Variants in NKAIN4 observed in about 807,000 individuals in gnomAD.
The protein encoded by NKAIN4 is sodium/potassium transporting ATPase interacting 4, also known as sodium/potassium-transporting ATPase subunit beta-1-interacting protein 4.
Under a neutral mutation model 28.8 loss-of-function variants are expected in NKAIN4, and 28 were observed. The observed-to-expected ratio is 0.97, with a 90% CI of 0.72 to 1.33. The LOEUF (loss-of-function observed/expected upper bound fraction) is 1.33, where lower values mean the gene tolerates loss of function less well. Ranked by LOEUF, NKAIN4 falls within the 40% of genes most tolerant of loss-of-function variation. The probability of loss-of-function intolerance (pLI) is 0.00; values close to 1 mark genes in which losing one functional copy is unlikely to be tolerated. For missense variants in NKAIN4, 289 were observed against 277.2 expected, an observed-to-expected ratio of 1.04 and a Z score of -0.30; for synonymous variants, 122 against 115.6, an observed-to-expected ratio of 1.06 and a Z score of -0.36.
chr20:63,247,895 CCT>C, intron 3 of NKAIN4, 120 bp from the exon 4 acceptor site: 1 of 1,316,462 alleles, frequency 7.6e-7, no homozygotes, highest in Non-Finnish European at 9.8e-7. Flanking sequence ...TCTCACCTCC[CCT>C]GTCCTCCCAC....
chr20:63,247,363 G>C, intron 4 of NKAIN4: 1 of 1,512,246 alleles, frequency 6.6e-7, no homozygotes, highest in Non-Finnish European at 8.8e-7. Context: ...GGCCCCGCCT[G>C]GGGGAGGTGG....
chr20:63,243,403 G>GT (rs1299974919), intron 5 of NKAIN4, among the ~76,000 whole-genome samples: 3 of 152,062 alleles, frequency 2.0e-5, no homozygotes, highest in Admixed American at 6.5e-5. Flanking sequence ...CCCAGGGAGA[G>GT]TTCTGTCCAT....
intron 4 of NKAIN4, 129 bp downstream of exon 4, chr20:63,247,449 G>A: frequency 6.5e-7 from 1 of 1,545,140 alleles, no homozygotes; most frequent in Non-Finnish European, 8.7e-7. Context: ...CAAGGGTGGG[G>A]GATGAGGAAG....
At chr20:63,253,644 C>T (rs1343625298) in intron 1 of NKAIN4, among the ~76,000 whole-genome samples, 2 of 152,236 alleles carry the variant, frequency 1.3e-5, no homozygotes, top group Non-Finnish European at 2.9e-5. Context: ...TTAGCCCCCT[C>T]CCCCGAGGGC....
chr20:63,247,743 C>T lies in NKAIN4; in HGVS notation c.306G>A (p.Arg102=). The T allele has an allele frequency of 6.8e-7, 1 of 1,481,312 alleles. No homozygotes were observed. The highest frequency in any genetic ancestry group is 9.0e-7 in the Non-Finnish European group (1 of 1,111,514). The allele number at this position is 1,481,312 out of a possible 1,614,324, so 91.8% of individuals were successfully genotyped here. A position where few individuals can be genotyped will look rare whatever the true frequency, so the allele number is the denominator to read the frequency against. Residue 102 remains arginine (R), a synonymous_variant, in exon 4 of 7, where the codon CGG becomes CGA. Coordinates refer to ENST00000370316, the MANE Select transcript of NKAIN4 (RefSeq NM_152864.4). ...DSELLTFSLS[R]HRSWWRERWP... ...AGCGCTCACGCCACCAGGAGCGATGCCGGGAGAGGCTGAAGGTCAGTAGCT... is the reference window on the plus strand; with the variant it reads ...AGCGCTCACGCCACCAGGAGCGATGTCGGGAGAGGCTGAAGGTCAGTAGCT...
At chr20:63,253,731 C>G (rs2067001735) in intron 1 of NKAIN4, among the ~76,000 whole-genome samples, 1 of 152,180 alleles carries the variant, frequency 6.6e-6, no homozygotes, top group Non-Finnish European at 1.5e-5. Flanking sequence ...GAAACTTGGC[C>G]GAGGGAGCCC....
chr20:63,244,474 G>C, intron 4 of NKAIN4: 1 of 479,186 alleles, frequency 2.1e-6, no homozygotes, highest in Non-Finnish European at 4.3e-6. Flanking sequence ...TCTTGCCTTT[G>C]GCCCCAGCCC....
intron 4 of NKAIN4, among the ~76,000 whole-genome samples, 193 bp from the exon 5 acceptor site, chr20:63,244,277 C>A (rs2236187): frequency 2.0e-5 from 3 of 151,706 alleles, no homozygotes; most frequent in Admixed American, 2.0e-4. Context: ...AAGCTCCGGA[C>A]GCACCCCTGC....
chr20:63,242,325 G>T (rs2066769965), intron 6 of NKAIN4, among the ~76,000 whole-genome samples: 1 of 152,188 alleles, frequency 6.6e-6, no homozygotes, highest in African/African-American at 2.4e-5. Context: ...TGAGCTTCTG[G>T]GCTGGGACTG....
intron 3 of NKAIN4, 93 bp downstream of exon 3, chr20:63,248,722 A>G (rs1416263570): frequency 9.9e-6 from 8 of 807,220 alleles, no homozygotes; most frequent in Non-Finnish European, 1.7e-5. Flanking sequence ...CCTGCCTCAG[A>G]CGACAGATGA....
Position 63,247,677 on chromosome 20 carries a change from G to A in NKAIN4, c.372C>T (p.Leu124=), listed in dbSNP as rs149980372. The change falls in exon 4 of 7, where the codon CTC becomes CTT. Residue 124 remains leucine (L), a synonymous_variant. Transcript: ENST00000370316. ...CLHEEVPAVG[L]GAPHGQALVS... is the part of the protein sequence containing the mutation. ...CCAGGGCCTGGCCATGGGGGGCCCCGAGGCCCACTGCTGGCACCTCCTCAT... is the reference window on the plus strand; with the variant it reads ...CCAGGGCCTGGCCATGGGGGGCCCCAAGGCCCACTGCTGGCACCTCCTCAT... 2.3e-4 allele frequency: 361 copies of A among 1,542,588 alleles called. 1 individual carries two copies. The Middle Eastern group carries it at 2.7e-3, about 12-fold the overall frequency.
chr20:63,253,527 C>T (rs778106260), intron 1 of NKAIN4: 146 of 985,008 alleles, frequency 1.5e-4, no homozygotes, highest in Non-Finnish European at 1.7e-4. Context: ...GGTCCAGCTG[C>T]GCTCCGCAGC....
At chr20:63,249,842 T>C in intron 2 of NKAIN4, 93 bp downstream of exon 2, 1 of 1,374,120 alleles carries the variant, frequency 7.3e-7, no homozygotes, top group Non-Finnish European at 1.0e-6. Context: ...TTCAGTGGTG[T>C]CCAGGAAAAT....
At chr20:63,243,758 T>C (rs1334377180) in intron 5 of NKAIN4, 1 of 372,824 alleles carries the variant, frequency 2.7e-6, no homozygotes, top group African/African-American at 2.1e-5. Context: ...GCGGGGATCA[T>C]GAGGGCAGGC....
intron 1 of NKAIN4, among the ~76,000 whole-genome samples, chr20:63,251,461 C>A (rs1191158176): frequency 6.6e-6 from 1 of 152,166 alleles, no homozygotes. Flanking sequence ...CGCTAAGTAG[C>A]AGGTGTTTTT....
At chr20:63,244,906 C>A (rs1032817286) in intron 4 of NKAIN4, among the ~76,000 whole-genome samples, 1 of 152,212 alleles carries the variant, frequency 6.6e-6, no homozygotes, top group Admixed American at 6.5e-5. Flanking sequence ...AGGCAGGAAA[C>A]CTTCCTGGTT....
At chr20:63,253,822 C>A (rs934176073) in intron 1 of NKAIN4, among the ~76,000 whole-genome samples, 1 of 137,182 alleles carries the variant, frequency 7.3e-6, no homozygotes, top group Non-Finnish European at 1.6e-5. Flanking sequence ...CGTAGCTCCA[C>A]GCCGGGCGGA....
intron 3 of NKAIN4, 102 bp downstream of exon 3, chr20:63,248,713 C>A: frequency 1.3e-6 from 1 of 761,328 alleles, no homozygotes; most frequent in Non-Finnish European, 2.3e-6. Context: ...GACTGAGCCC[C>A]TGCCTCAGAC....
rs2066745148 is a variant in NKAIN4 at position 63,241,264 on chromosome 20, C to T, written c.*233G>A. The T allele has an allele frequency of 8.7e-6, 4 of 461,960 alleles. No homozygotes were observed. Among genetic ancestry groups the T allele is most frequent in the South Asian group, 5.7e-5 (2 of 35,164 alleles). 28.6% of individuals were successfully genotyped at this position (461,960 alleles called of 1,614,324 possible). ...CCTTTTCTTTTGTATGTTTTCTTTTCTTTTTTTTTTTTAAGAGAAAGGAAA... is the reference window on the plus strand; with the variant it reads ...CCTTTTCTTTTGTATGTTTTCTTTTTTTTTTTTTTTTTAAGAGAAAGGAAA... On this transcript the variant is annotated 3_prime_UTR_variant, in exon 7 of 7. Coordinates refer to ENST00000370316, the MANE Select transcript of NKAIN4 (RefSeq NM_152864.4).
Sources: gnomAD v4.1 joint callset for allele counts (sites outside exome capture counted in the v4.1 genomes callset) on GRCh38, gnomAD v4.1.1 for gene constraint, MANE v1.5 for transcripts, NCBI Gene and HGNC (gene_info 2026-07-23, HGNC 2026-07-21) for gene names.